Variants in RABGAP1 observed in about 807,000 individuals in gnomAD.
The protein encoded by RABGAP1 is rab GTPase-activating protein 1.
A neutral mutation model predicts 137.6 loss-of-function variants in RABGAP1; 23 were observed. That is an observed-to-expected ratio of 0.17 (90% confidence interval 0.12 to 0.24). The LOEUF is 0.24. RABGAP1 is among the 10% of genes least tolerant of loss of function. The pLI is 1.00. For synonymous variants in RABGAP1, 451 were observed against 450.7 expected (o/e 1.00, Z -0.01); for missense variants, 906 against 1,275.8 (o/e 0.71, Z 4.42).
intron 10 of RABGAP1, among the ~76,000 whole-genome samples, chr9:123,004,651 C>A (rs745598063): frequency 2.0e-5 from 3 of 152,008 alleles, no homozygotes; most frequent in African/African-American, 4.8e-5. Flanking sequence ...AGTTCATTCA[C>A]GTATTTTCAG....
At chr9:123,101,452 C>A in intron 24 of RABGAP1, 114 bp from the exon 25 acceptor site, 2 of 996,846 alleles carry the variant, frequency 2.0e-6, no homozygotes, top group Non-Finnish European at 2.8e-6. Context: ...TTTTCAGAAA[C>A]TGTAGTGCTC....
chr9:123,022,697 G>T (rs916597957), intron 13 of RABGAP1, among the ~76,000 whole-genome samples: 1 of 151,940 alleles, frequency 6.6e-6, no homozygotes, highest in African/African-American at 2.4e-5. Flanking sequence ...GAGCCACCGC[G>T]CCCGGCCCCC....
At chr9:123,022,613 G>T (rs1002236552) in intron 13 of RABGAP1, among the ~76,000 whole-genome samples, 2 of 151,890 alleles carry the variant, frequency 1.3e-5, no homozygotes, top group African/African-American at 4.8e-5. Context: ...CACCATATTG[G>T]CCAGGCTGGT....
intron 19 of RABGAP1, among the ~76,000 whole-genome samples, chr9:123,085,342 A>G (rs1221638126): frequency 6.6e-6 from 1 of 152,110 alleles, no homozygotes; most frequent in East Asian, 1.9e-4. Flanking sequence ...TGCATTCTTT[A>G]TTGGAGAGGA....
At chr9:122,966,914 T>G (rs1393855555) in intron 2 of RABGAP1, among the ~76,000 whole-genome samples, 1 of 152,108 alleles carries the variant, frequency 6.6e-6, no homozygotes, top group Non-Finnish European at 1.5e-5. Context: ...TTAAAAACCA[T>G]CAGATCTCGT....
At chr9:122,973,058 T>C (rs549674257) in intron 2 of RABGAP1, among the ~76,000 whole-genome samples, 24 of 151,862 alleles carry the variant, frequency 1.6e-4, no homozygotes, top group Middle Eastern at 3.2e-3. Flanking sequence ...CGTAATAAAA[T>C]GTTTTGACAA....
At chr9:122,933,410 A>G in the RABGAP1 span, among the ~76,000 whole-genome samples, 2 of 150,524 alleles carry the variant, frequency 1.3e-5, no homozygotes, top group Non-Finnish European at 3.0e-5. Flanking sequence ...TTTTTCAGTA[A>G]CTATTTGCAT....
At chr9:123,029,782 C>T in intron 13 of RABGAP1, 2 of 544,244 alleles carry the variant, frequency 3.7e-6, no homozygotes, top group Non-Finnish European at 7.0e-6. Context: ...GTGGCGAACA[C>T]TGCAGCCTTG....
chr9:122,948,453 G>A (rs1045756227), intron 1 of RABGAP1, among the ~76,000 whole-genome samples: 7 of 152,134 alleles, frequency 4.6e-5, no homozygotes, highest in African/African-American at 9.7e-5. Context: ...GCCTTAGTTT[G>A]TCTGTCATAT....
At chr9:122,977,217 C>T (rs1194299021) in intron 2 of RABGAP1, among the ~76,000 whole-genome samples, 1 of 152,130 alleles carries the variant, frequency 6.6e-6, no homozygotes, top group East Asian at 1.9e-4. Flanking sequence ...AGGCAAACTA[C>T]TAACTGCAGT....
intron 13 of RABGAP1, among the ~76,000 whole-genome samples, chr9:123,037,938 G>A (rs529103900): frequency 2.6e-5 from 4 of 152,264 alleles, no homozygotes; most frequent in Non-Finnish European, 4.4e-5. Context: ...TTACCATGGC[G>A]TTGGCGGGAT....
intron 2 of RABGAP1, among the ~76,000 whole-genome samples, chr9:122,963,675 C>G (rs748688713): frequency 2.6e-4 from 40 of 152,010 alleles, no homozygotes; most frequent in Non-Finnish European, 5.3e-4. Context: ...GAAGAAAGAC[C>G]TAAACTTAAT....
At chr9:122,947,456 C>G (rs184823450) in intron 1 of RABGAP1, among the ~76,000 whole-genome samples, 1 of 152,284 alleles carries the variant, frequency 6.6e-6, no homozygotes, top group East Asian at 1.9e-4. Flanking sequence ...TTGTACACTT[C>G]CGTGGCTAAG....
the RABGAP1 span, among the ~76,000 whole-genome samples, chr9:122,933,392 A>G: frequency 6.6e-6 from 1 of 151,304 alleles, no homozygotes; most frequent in African/African-American, 2.4e-5. Context: ...GTATAACTAC[A>G]TCAGCTCTTT....
chr9:123,017,144 C>G (rs1171611840), intron 12 of RABGAP1, among the ~76,000 whole-genome samples: 2 of 152,162 alleles, frequency 1.3e-5, no homozygotes, highest in African/African-American at 2.4e-5. Flanking sequence ...GTTTGGGATG[C>G]TGCTGGCAGG....
At chr9:122,945,425 A>G (rs1163944042) in intron 1 of RABGAP1, 2 of 152,096 alleles carry the variant, frequency 1.3e-5, no homozygotes, top group Non-Finnish European at 2.9e-5. Context: ...CAACCATAAT[A>G]TTCTGAGGTA....
chr9:122,965,429 G>A (rs970936135), intron 2 of RABGAP1, among the ~76,000 whole-genome samples: 1 of 152,266 alleles, frequency 6.6e-6, no homozygotes, highest in African/African-American at 2.4e-5. Context: ...TGTCGCCCAG[G>A]CTGGAGTGCA....
At chr9:123,030,417 C>T (rs527786138) in intron 13 of RABGAP1, among the ~76,000 whole-genome samples, 2 of 152,074 alleles carry the variant, frequency 1.3e-5, no homozygotes, top group South Asian at 4.2e-4. Flanking sequence ...GAATGTTATC[C>T]CACCATCCAA....
chr9:123,090,518 G>T, intron 21 of RABGAP1, 133 bp downstream of exon 21: 1 of 652,752 alleles, frequency 1.5e-6, no homozygotes, highest in African/African-American at 1.9e-5. Context: ...CAACTTGCTT[G>T]TCAGTGTCAC....
Sources: allele counts gnomAD v4.1 joint callset (sites outside exome capture counted in the v4.1 genomes callset), GRCh38; gene constraint gnomAD v4.1.1; transcripts MANE v1.5; gene names NCBI Gene and HGNC (gene_info 2026-07-23, HGNC 2026-07-21).